NR5A2: variants seen among roughly 807,000 people sequenced by gnomAD.
NR5A2 encodes nuclear receptor subfamily 5 group A member 2, also known as CYP7A promoter-binding factor.
NR5A2 carries 26 observed loss-of-function variants against 62.7 expected under a neutral mutation model. The ratio of observed to expected loss-of-function variants is 0.41; its 90% CI spans 0.30 to 0.58. The LOEUF is 0.58. Among genes scored for constraint, NR5A2 ranks in the 20% least tolerant of loss-of-function variants. NR5A2 has a pLI of 0.22. For synonymous variants in NR5A2, 246 were observed against 241.7 expected (o/e 1.02, Z -0.16); for missense variants, 541 against 669.1 (o/e 0.81, Z 2.11).
In NR5A2 at chr1:200,039,372, C is replaced by T. The variant is rs1661940308; in HGVS notation, c.65-286C>T. On this transcript the variant is annotated intron_variant, in intron 1 of 7. Transcript: ENST00000367362. The surrounding 1 kb of genome is among the most constrained non-coding windows in gnomAD (Gnocchi z 5.1). Reference sequence around the variant, plus strand: ...GAGCTCGGCGGTTCACGGCTCCGCGCCCCGGGCAGCTGCGTCCTCGCCACC... The same window carrying T: ...GAGCTCGGCGGTTCACGGCTCCGCGTCCCGGGCAGCTGCGTCCTCGCCACC... Among the ~76,000 whole-genome samples, 1 of 151,446 alleles carries T rather than the reference C, an allele frequency of 6.6e-6. No individual in the cohort carries two copies. Among genetic ancestry groups the T allele is most frequent in the African/African-American group, 2.4e-5 (1 of 41,212 alleles).
rs553098687 is a variant in NR5A2, at chr1:200,132,791, C to T, written c.1378+11836C>T. 9.2e-5 allele frequency among the ~76,000 whole-genome samples: 10 copies of T among 108,646 alleles called. No homozygotes were observed. The East Asian group carries it at 3.4e-3, about 37-fold the overall frequency. The allele number at this position is 108,646 out of a possible 152,430, so 71.3% of individuals were successfully genotyped here. A position where few individuals can be genotyped will look rare whatever the true frequency, so the allele number is the denominator to read the frequency against. ...TCCTCTGAAAGGAGTTGGGAAACTG[C>T]ATGGGATCACCTCCAGGAGCCTTAG... is the stretch of plus-strand genomic sequence containing the variant. On this transcript the variant is annotated intron_variant, in intron 7 of 7. Coordinates refer to ENST00000367362, the MANE Select transcript of NR5A2 (RefSeq NM_205860.3).
At chr1:200,111,150 A>G in intron 5 of NR5A2, 52 bp from the exon 6 acceptor site, 1 of 1,594,456 alleles carries the variant, frequency 6.3e-7, no homozygotes, top group African/African-American at 1.4e-5. Context: ...AGTAGTGAAT[A>G]ACAGTGTCAT....
intron 4 of NR5A2, among the ~76,000 whole-genome samples, chr1:200,047,785 C>T (rs1178596017): frequency 6.6e-6 from 1 of 152,104 alleles, no homozygotes; most frequent in Non-Finnish European, 1.5e-5. Flanking sequence ...ATCATGTTGG[C>T]CAGGCTGGTC....
chr1:200,074,822 A>T (rs1386102094), intron 5 of NR5A2, among the ~76,000 whole-genome samples: 1 of 146,008 alleles, frequency 6.8e-6, no homozygotes, highest in Non-Finnish European at 1.5e-5. Flanking sequence ...GACTGGAATT[A>T]AAAAAAAAAC....
In NR5A2 at chr1:200,039,916, C is replaced by A. The variant is rs935268655; in HGVS notation, c.202+121C>A. 6.2e-6 allele frequency: 7 copies of A among 1,134,294 alleles called. No individual in the cohort carries two copies. The highest frequency in any genetic ancestry group is 8.3e-6 in the Non-Finnish European group (7 of 841,128). 70.3% of individuals were successfully genotyped at this position (1,134,294 alleles called of 1,614,324 possible). A position where few individuals can be genotyped will look rare whatever the true frequency, so the allele number is the denominator to read the frequency against. ...AGTAGCCCCGCTGGGCGCTCGCAGC[C>A]GCGGGAGTCAAGCCCCCTCCCCAGG... On this transcript the variant is annotated intron_variant, in intron 2 of 7. Coordinates refer to ENST00000367362, the MANE Select transcript of NR5A2 (RefSeq NM_205860.3). The surrounding 1 kb of genome is among the most constrained non-coding windows in gnomAD (Gnocchi z 5.1).
In NR5A2 at chr1:200,039,526, T is replaced by TC. The variant is rs1175380824; in HGVS notation, c.65-131dup. ...CCGGAGCTGCGAGACCGGACAGGGC[T>TC]CAGAGGTCCTGCCCGGCAGCCCCGA... On this transcript the variant is annotated intron_variant, in intron 1 of 7. Coordinates refer to ENST00000367362, the MANE Select transcript of NR5A2 (RefSeq NM_205860.3). This position sits in a 1 kb window ranked among gnomAD's most constrained non-coding sequence, Gnocchi z 5.1. 6 of 1,312,662 alleles carry TC rather than the reference T, an allele frequency of 4.6e-6. No individual in the cohort carries two copies. The allele number at this position is 1,312,662 out of a possible 1,614,324, so 81.3% of individuals were successfully genotyped here.
intron 5 of NR5A2, among the ~76,000 whole-genome samples, chr1:200,091,286 T>A (rs1664801476): frequency 6.6e-6 from 1 of 152,154 alleles, no homozygotes; most frequent in Admixed American, 6.5e-5. Flanking sequence ...TCTATTCATT[T>A]ATTAGCTCAC....
intron 5 of NR5A2, among the ~76,000 whole-genome samples, chr1:200,093,730 T>A (rs2737667): frequency 2.0e-5 from 3 of 152,080 alleles, no homozygotes; most frequent in East Asian, 1.9e-4. Flanking sequence ...CCTCCTAGAC[T>A]TCCTTTTCCT....
chr1:200,104,493 C>G (rs545964824), intron 5 of NR5A2, among the ~76,000 whole-genome samples: 1 of 152,086 alleles, frequency 6.6e-6, no homozygotes, highest in Non-Finnish European at 1.5e-5. Context: ...TAATTTTTCT[C>G]TCCCCTCTTC....
intron 5 of NR5A2, among the ~76,000 whole-genome samples, chr1:200,110,986 C>T (rs995900651): frequency 2.6e-5 from 4 of 152,056 alleles, no homozygotes; most frequent in African/African-American, 7.2e-5. Flanking sequence ...TAAGTACCTA[C>T]GTGTGTCCTA....
chr1:200,051,448 T>C (rs1662628949), intron 5 of NR5A2, among the ~76,000 whole-genome samples: 1 of 152,212 alleles, frequency 6.6e-6, no homozygotes, highest in Non-Finnish European at 1.5e-5. Context: ...TAAATATCTT[T>C]GAGAATGGGG....
At position 200,077,856 on chromosome 1, in the gene NR5A2, G is replaced by A. The variant is rs2816925; in HGVS notation, c.1110+29038G>A. Among the ~76,000 whole-genome samples, 1,070 of 152,284 alleles carry A rather than the reference G, an allele frequency of 7.0e-3. 5 individuals are homozygous for A. Among genetic ancestry groups the A allele is most frequent in the Non-Finnish European group, 0.01 (713 of 68,018 alleles). ...GACCTTTAGGGCTCTCGCAGTTTTTGATTCTAGTTTAGGGCTTTGACTTCT... is the reference window on the plus strand; with the variant it reads ...GACCTTTAGGGCTCTCGCAGTTTTTAATTCTAGTTTAGGGCTTTGACTTCT... On this transcript the variant is annotated intron_variant, in intron 5 of 7. Coordinates refer to ENST00000367362, the MANE Select transcript of NR5A2 (RefSeq NM_205860.3).
chr1:200,157,508 A>G lies in NR5A2; in HGVS notation c.1379-16455A>G, dbSNP rs915682754. Among the ~76,000 whole-genome samples the G allele has an allele frequency of 2.0e-5, 3 of 152,220 alleles. No homozygotes were observed. The East Asian group carries it at 5.8e-4, about 29-fold the overall frequency. ...AGCAAAATCTGTCATTACACTGAAAAAAAAATAGGATAGCTTCTTTTGCAA... is the reference window on the plus strand; with the variant it reads ...AGCAAAATCTGTCATTACACTGAAAGAAAAATAGGATAGCTTCTTTTGCAA... On this transcript the variant is annotated intron_variant, in intron 7 of 7. Transcript: ENST00000367362.
At chr1:200,084,586 A>C (rs1664441962) in intron 5 of NR5A2, among the ~76,000 whole-genome samples, 1 of 152,220 alleles carries the variant, frequency 6.6e-6, no homozygotes, top group African/African-American at 2.4e-5. Flanking sequence ...TCCATATTAC[A>C]GCTAAATGAG....
At chr1:200,031,132 T>C (rs1661532656) in intron 1 of NR5A2, among the ~76,000 whole-genome samples, 1 of 152,216 alleles carries the variant, frequency 6.6e-6, no homozygotes. Flanking sequence ...CTTCTTTCCA[T>C]GCCCGAGTCC....
At chr1:200,052,930 G>A (rs183891877) in intron 5 of NR5A2, among the ~76,000 whole-genome samples, 41 of 152,250 alleles carry the variant, frequency 2.7e-4, no homozygotes, top group East Asian at 1.5e-3. Context: ...ATGAGCCACC[G>A]CACCCGGCCT....
intron 5 of NR5A2, among the ~76,000 whole-genome samples, chr1:200,061,020 T>C (rs1226300906): frequency 6.8e-6 from 1 of 146,866 alleles, no homozygotes; most frequent in East Asian, 2.1e-4. Context: ...TTCAGGAGGC[T>C]GAGGCAGGAT....
At chr1:200,030,453 A>G (rs938308954) in intron 1 of NR5A2, among the ~76,000 whole-genome samples, 5 of 152,232 alleles carry the variant, frequency 3.3e-5, no homozygotes, top group African/African-American at 1.2e-4. Context: ...ATTGTAGTGT[A>G]AAAGCAGCAC....
At chr1:200,033,990 C>G (rs1253030637) in intron 1 of NR5A2, among the ~76,000 whole-genome samples, 1 of 152,208 alleles carries the variant, frequency 6.6e-6, no homozygotes, top group East Asian at 1.9e-4. Context: ...TTGGTTGGAT[C>G]CATCCCCTCG....
Sources: gnomAD v4.1 joint callset for allele counts (sites outside exome capture counted in the v4.1 genomes callset) on GRCh38, gnomAD v4.1.1 for gene constraint, Gnocchi (gnomAD v3.1) non-coding constraint, MANE v1.5 for transcripts, NCBI Gene and HGNC (gene_info 2026-07-23, HGNC 2026-07-21) for gene names.